TOP2A: variants seen among roughly 807,000 people sequenced by gnomAD.
The protein encoded by TOP2A is DNA topoisomerase II alpha, also known as DNA topoisomerase 2-alpha.
Under a neutral mutation model 187.2 loss-of-function variants are expected in TOP2A, and 68 were observed. The ratio of observed to expected loss-of-function variants is 0.36; its 90% CI spans 0.30 to 0.44. The LOEUF (loss-of-function observed/expected upper bound fraction) is 0.44, where lower values mean the gene tolerates loss of function less well. Among genes scored for constraint, TOP2A ranks in the 20% least tolerant of loss-of-function variants. The probability of loss-of-function intolerance (pLI) is 1.00; values close to 1 mark genes in which losing one functional copy is unlikely to be tolerated. For missense variants in TOP2A, 1,196 were observed against 1,808.7 expected, an observed-to-expected ratio of 0.66 and a Z score of 6.14; for synonymous variants, 542 against 593.2, an observed-to-expected ratio of 0.91 and a Z score of 1.25.
Position 40,403,037 on chromosome 17 carries a change from G to A in TOP2A, c.2301C>T (p.Thr767=). The A allele has an allele frequency of 6.3e-7, 1 of 1,599,586 alleles. No individual in the cohort carries two copies. Among genetic ancestry groups the A allele is most frequent in the Admixed American group, 1.7e-5 (1 of 57,794 alleles). ...CAAAATTCTGAGCCAAATTGATAAT[G>A]GTCATCATTAGTGACATCTGTGGGG... ...YHHGEMSLMM[T]IINLAQNFVG... Residue 767 remains threonine, a synonymous_variant, in exon 20 of 35, where the codon ACC becomes ACT. Coordinates refer to ENST00000423485, the MANE Select transcript of TOP2A (RefSeq NM_001067.4).
intron 4 of TOP2A, among the ~76,000 whole-genome samples, chr17:40,414,953 T>C (rs1465521690): frequency 6.6e-6 from 1 of 152,020 alleles, no homozygotes; most frequent in Non-Finnish European, 1.5e-5. Context: ...TTAAGTTAAT[T>C]CTTGGATGGT....
Position 40,400,077 on chromosome 17 carries a change from GA to G in TOP2A, c.3001-11del. ...CGTGGTCAAAAAGCACCTGAAAAAG[GA>G]AAACAAGATTAGAGCCAAGAATAGA... On this transcript the variant is annotated splice_polypyrimidine_tract_variant and intron_variant, in intron 23 of 34. Coordinates refer to ENST00000423485, the MANE Select transcript of TOP2A (RefSeq NM_001067.4). 1.2e-6 allele frequency: 2 copies of G among 1,601,292 alleles called. No homozygotes were observed. The highest frequency in any genetic ancestry group is 1.7e-6 in the Non-Finnish European group (2 of 1,175,412).
intron 24 of TOP2A, 132 bp from the exon 25 acceptor site, chr17:40,399,263 C>G (rs1306554674): frequency 1.3e-5 from 9 of 673,904 alleles, no homozygotes; most frequent in Non-Finnish European, 2.3e-5. Context: ...TTGTATATCC[C>G]GGTATACAGG....
chr17:40,401,920 C>T (rs188835786), intron 20 of TOP2A, among the ~76,000 whole-genome samples: 35 of 152,272 alleles, frequency 2.3e-4, no homozygotes, highest in African/African-American at 8.4e-4. Flanking sequence ...ACACGGATCA[C>T]ATAATGTCTG....
chr17:40,407,768 C>CAAAATACTGGAGCT, intron 12 of TOP2A, 94 bp from the exon 13 acceptor site: 1 of 1,311,088 alleles, frequency 7.6e-7, no homozygotes, highest in Non-Finnish European at 1.0e-6. Context: ...TTCTTGAGCT[C>CAAAATACTGGAGCT]CAGTATTTTG....
In TOP2A at chr17:40,398,931, C is replaced by G. The variant is rs372847016; in HGVS notation, c.3295G>C (p.Asp1099His). Residue 1099 changes from aspartate (D) to histidine (H), a missense_variant, in exon 26 of 35, where the codon GAT becomes CAT. Asp to His is a moderately conservative substitution (Grantham distance 81). This residue lies in a region of TOP2A where 232 missense variants were observed against 306.1 expected (regional missense o/e 0.76). Coordinates refer to ENST00000423485, the MANE Select transcript of TOP2A (RefSeq NM_001067.4). The stretch of plus-strand genomic sequence containing the variant: ...TCACTCTCTTCATTTTCTTCTTCAT[C>G]TGGAACCTAAAGGATTAATTAAAAT... ...AWKEAQQKVPDEEENEESDNE... is the reference protein window; with the variant it reads ...AWKEAQQKVPHEEENEESDNE... The G allele has an allele frequency of 6.8e-6, 11 of 1,608,042 alleles. No individual in the cohort carries two copies. The highest frequency in any genetic ancestry group is 9.3e-6 in the Non-Finnish European group (11 of 1,177,286).
intron 16 of TOP2A, among the ~76,000 whole-genome samples, chr17:40,405,299 G>T (rs550853724): frequency 6.6e-6 from 1 of 151,912 alleles, no homozygotes; most frequent in African/African-American, 2.4e-5. Context: ...ACAGGCACGT[G>T]CCACCACACC....
intron 4 of TOP2A, among the ~76,000 whole-genome samples, chr17:40,414,697 A>G (rs1300187530): frequency 6.6e-6 from 1 of 152,012 alleles, no homozygotes; most frequent in Middle Eastern, 3.4e-3. Context: ...CTACTAAAAA[A>G]AATACAAAAT....
In TOP2A at chr17:40,412,937, A is replaced by G. The variant is rs1378565900; in HGVS notation, c.611T>C (p.Met204Thr). ...WMDNMGRAGE[M>T]ELKPFNGEDY... ...TTCTCCATTGAAGGGCTTGAGTTCC[A>G]TCTCACCAGCTCTTCCCATATTATC... is the stretch of plus-strand genomic sequence containing the variant. Residue 204 changes from methionine to threonine, a missense_variant, in exon 7 of 35, where the codon ATG becomes ACG. Physicochemically the swap from Met to Thr is moderately conservative, Grantham distance 81 (BLOSUM62 -1). Coordinates refer to ENST00000423485, the MANE Select transcript of TOP2A (RefSeq NM_001067.4). The G allele has an allele frequency of 6.2e-7, 1 of 1,613,636 alleles. No individual in the cohort carries two copies. Among genetic ancestry groups the G allele is most frequent in the Admixed American group, 1.7e-5 (1 of 59,984 alleles).
intron 16 of TOP2A, among the ~76,000 whole-genome samples, chr17:40,405,297 G>A (rs1217086068): frequency 6.6e-6 from 1 of 151,488 alleles, no homozygotes; most frequent in Non-Finnish European, 1.5e-5. Context: ...TTACAGGCAC[G>A]TGCCACCACA....
At chr17:40,391,938 CATA>C (rs2035026307) in intron 32 of TOP2A, 127 bp downstream of exon 32, 1 of 1,034,310 alleles carries the variant, frequency 9.7e-7, no homozygotes, top group South Asian at 1.7e-5. Context: ...ACAGTATCAA[CATA>C]ATGTTAATAA....
In TOP2A at chr17:40,399,886, C is replaced by T. The variant is rs1351984933; in HGVS notation, c.3182G>A (p.Gly1061Asp). The change falls in exon 24 of 35, where the codon GGC becomes GAC. Residue 1061 changes from glycine to aspartate, a missense_variant. Transcript: ENST00000423485. ...QARFILEKID[G>D]KIIIENKPKK... ...CCAAAACATACCAATGATTATTTTGCCATCTATTTTCTCTAAGATAAAGCG... is the reference window on the plus strand; with the variant it reads ...CCAAAACATACCAATGATTATTTTGTCATCTATTTTCTCTAAGATAAAGCG... The T allele has an allele frequency of 1.3e-6, 2 of 1,595,982 alleles. No homozygotes were observed. The highest frequency in any genetic ancestry group is 1.7e-6 in the Non-Finnish European group (2 of 1,174,630).
chr17:40,417,353 T>C (rs932034859), intron 1 of TOP2A, among the ~76,000 whole-genome samples: 4 of 152,086 alleles, frequency 2.6e-5, no homozygotes, highest in Non-Finnish European at 5.9e-5. Context: ...GGGGCGCTTT[T>C]GTAAGCTGGC....
intron 1 of TOP2A, 144 bp downstream of exon 1, chr17:40,417,627 C>G (rs2035408703): frequency 2.6e-6 from 4 of 1,517,384 alleles, no homozygotes; most frequent in Non-Finnish European, 3.5e-6. Context: ...TCCACGATCA[C>G]CCCGGAACCG....
In TOP2A at chr17:40,413,237, A is replaced by G; in HGVS notation, c.534T>C (p.Thr178=). Reference sequence around the variant, plus strand: ...TGTATTCTCTACTGGCTGTTTCCACAGTAAATTTGGTACTGAATATGTTAC... The same window carrying G: ...TGTATTCTCTACTGGCTGTTTCCACGGTAAATTTGGTACTGAATATGTTAC... The part of the protein sequence containing the change: ...KLCNIFSTKF[T]VETASREYKK... Residue 178 remains threonine, a synonymous_variant, in exon 6 of 35, where the codon ACT becomes ACC. Coordinates refer to ENST00000423485, the MANE Select transcript of TOP2A (RefSeq NM_001067.4). 1 of 1,566,638 alleles carries G rather than the reference A, an allele frequency of 6.4e-7. No homozygotes were observed. The highest frequency in any genetic ancestry group is 8.7e-7 in the Non-Finnish European group (1 of 1,153,824).
At chr17:40,396,949 C>T (rs1309133157) in intron 27 of TOP2A, among the ~76,000 whole-genome samples, 2 of 147,444 alleles carry the variant, frequency 1.4e-5, no homozygotes, top group African/African-American at 5.0e-5. Context: ...GGTACATGAT[C>T]ATAGTTCACT....
intron 25 of TOP2A, 39 bp downstream of exon 25, chr17:40,399,001 T>C (rs1213054212): frequency 1.9e-6 from 3 of 1,593,810 alleles, no homozygotes; most frequent in East Asian, 2.2e-5. Context: ...GTACAATACA[T>C]AGTCTTTAAC....
chr17:40,410,520 C>A, intron 10 of TOP2A: 1 of 385,172 alleles, frequency 2.6e-6, no homozygotes. Flanking sequence ...ACACAAAAGT[C>A]ACTCAAAAGC....
rs767346882 is a variant in TOP2A, at chr17:40,404,201, G to A, written c.2234C>T (p.Ala745Val). The A allele has an allele frequency of 6.8e-6, 11 of 1,613,838 alleles. No homozygotes were observed. Among genetic ancestry groups the A allele is most frequent in the Non-Finnish European group, 9.3e-6 (11 of 1,179,844 alleles). The part of the protein sequence containing the change: ...KRNDKREVKV[A>V]QLAGSVAEMS... ...TTCAGCCACTGATCCAGCTAATTGG[G>A]CAACCTTTACTTCTCGCTTGTCATT... Residue 745 changes from alanine (A) to valine (V), a missense_variant, in exon 19 of 35, where the codon GCC becomes GTC. Transcript: ENST00000423485.
Sources: allele counts gnomAD v4.1 joint callset (sites outside exome capture counted in the v4.1 genomes callset), GRCh38; gene constraint gnomAD v4.1.1; regional missense constraint gnomAD v4.1.1; transcripts MANE v1.5; gene names NCBI Gene and HGNC (gene_info 2026-07-23, HGNC 2026-07-21).